TENM1: variants seen among roughly 807,000 people sequenced by gnomAD.
TENM1 encodes teneurin-1.
A neutral mutation model predicts 174.8 loss-of-function variants in TENM1; 35 were observed. That is an observed-to-expected ratio of 0.20 (90% CI 0.15 to 0.27). The LOEUF (loss-of-function observed/expected upper bound fraction) is 0.27, where lower values mean the gene tolerates loss of function less well. TENM1 is among the 10% of genes least tolerant of loss of function. The probability of loss-of-function intolerance (pLI) is 1.00; values close to 1 mark genes in which losing one functional copy is unlikely to be tolerated. For synonymous variants in TENM1, 781 were observed against 798.7 expected, an observed-to-expected ratio of 0.98 and a Z score of 0.37; for missense variants, 1,633 against 2,130.1, an observed-to-expected ratio of 0.77 and a Z score of 4.59.
intron 3 of TENM1, among the ~76,000 whole-genome samples, chrX:124,757,517 T>G (rs1303012413): frequency 4.4e-5 from 5 of 112,650 alleles, no homozygotes; most frequent in Non-Finnish European, 9.4e-5. Context: ...GCACCCACTG[T>G]CTGGCATTCC....
At chrX:124,623,646 A>G (rs2050573256) in intron 11 of TENM1, among the ~76,000 whole-genome samples, 1 of 111,626 alleles carries the variant, frequency 9.0e-6, no homozygotes. Flanking sequence ...ATTTGCAGGG[A>G]AAAAATAGCT....
At chrX:124,437,234 G>A (rs763200885) in intron 23 of TENM1, among the ~76,000 whole-genome samples, 1 of 106,814 alleles carries the variant, frequency 9.4e-6, no homozygotes, top group Non-Finnish European at 1.9e-5. Flanking sequence ...TTACAGGCAT[G>A]AGCCACTGCG....
At chrX:125,126,290 T>C in the TENM1 span, among the ~76,000 whole-genome samples, 784 of 111,775 alleles carry the variant, frequency 7.0e-3, 6 homozygotes, top group Non-Finnish European at 0.01. Context: ...ACAACTGCTA[T>C]AGAAGATTTC....
chrX:124,521,962 G>A, intron 17 of TENM1, among the ~76,000 whole-genome samples: 1 of 111,717 alleles, frequency 9.0e-6, no homozygotes, highest in Middle Eastern at 4.6e-3. Flanking sequence ...GGTGACAGAA[G>A]TACAATAGAG....
intron 28 of TENM1, among the ~76,000 whole-genome samples, chrX:124,391,727 AT>A (rs2060284296): frequency 8.9e-6 from 1 of 111,768 alleles, no homozygotes; most frequent in African/African-American, 3.3e-5. Context: ...TTTTCTAGCT[AT>A]TTTTCCCTCG....
the TENM1 span, among the ~76,000 whole-genome samples, chrX:125,153,003 T>C: frequency 4.2e-5 from 4 of 94,468 alleles, no homozygotes; most frequent in Middle Eastern, 5.1e-3. Context: ...ATGGAATCTG[T>C]CAGGAACTCA....
the TENM1 span, among the ~76,000 whole-genome samples, chrX:125,058,959 A>T: frequency 1.9e-5 from 2 of 107,085 alleles, no homozygotes; most frequent in South Asian, 8.3e-4. Flanking sequence ...CCATCTCTAC[A>T]ACTAAGTTTA....
intron 23 of TENM1, among the ~76,000 whole-genome samples, chrX:124,447,312 G>T (rs1462711340): frequency 9.0e-6 from 1 of 111,366 alleles, no homozygotes; most frequent in African/African-American, 3.3e-5. Flanking sequence ...GCCACACACA[G>T]GCTTTCTCCT....
chrX:124,401,727 C>T lies in TENM1; in HGVS notation c.5391+3304G>A, dbSNP rs371175958. Among the ~76,000 whole-genome samples the T allele has an allele frequency of 3.6e-5, 4 of 111,725 alleles. No homozygotes were observed. The South Asian group carries it at 1.5e-3, about 42-fold the overall frequency. ...GTCCCTTTTGGGAGCATACTCATTT[C>T]ATTAAATTGGAAATGCCAAATCTGG... On this transcript the variant is annotated intron_variant, in intron 27 of 31. Transcript: ENST00000422452.
chrX:125,187,170 G>T, the TENM1 span, among the ~76,000 whole-genome samples: 2 of 112,382 alleles, frequency 1.8e-5, no homozygotes, highest in South Asian at 3.7e-4. Context: ...CTAAGGCAAA[G>T]AATTGCTTGA....
intron 25 of TENM1, among the ~76,000 whole-genome samples, chrX:124,408,599 G>T (rs186868401): frequency 8.4e-4 from 94 of 111,367 alleles, no homozygotes; most frequent in African/African-American, 2.9e-3. Context: ...TGAGGCACCA[G>T]CAACTTTGCC....
the TENM1 span, among the ~76,000 whole-genome samples, chrX:125,044,212 T>TAAAAAAAAAAAAAAAA: frequency 2.7e-5 from 2 of 74,823 alleles, no homozygotes; most frequent in Admixed American, 2.7e-4. Flanking sequence ...TAAAAAAAAA[T>TAAAAAAAAAAAAAAAA]AAAAAAAAAA....
At chrX:124,457,094 A>G (rs1298612117) in intron 22 of TENM1, among the ~76,000 whole-genome samples, 1 of 112,220 alleles carries the variant, frequency 8.9e-6, no homozygotes, top group Non-Finnish European at 1.9e-5. Context: ...GTGGAGGTGG[A>G]AGTGGGAAGA....
At chrX:124,984,371 G>T in the TENM1 span, among the ~76,000 whole-genome samples, 1 of 112,360 alleles carries the variant, frequency 8.9e-6, no homozygotes, top group Non-Finnish European at 1.9e-5. Flanking sequence ...TAATTGGGAC[G>T]AAACGGGTTA....
chrX:124,462,114 T>G (rs1443863776), intron 22 of TENM1, among the ~76,000 whole-genome samples: 1 of 100,409 alleles, frequency 1.0e-5, no homozygotes, highest in Non-Finnish European at 2.0e-5. Context: ...TAGATTACGT[T>G]TCTCAGCCTC....
chrX:124,708,425 T>C (rs1339773600), intron 4 of TENM1, among the ~76,000 whole-genome samples: 1 of 111,484 alleles, frequency 9.0e-6, no homozygotes, highest in Non-Finnish European at 1.9e-5. Context: ...AAAATGCCTA[T>C]TCTTTGATGC....
At chrX:125,075,187 A>G in the TENM1 span, among the ~76,000 whole-genome samples, 1 of 111,301 alleles carries the variant, frequency 9.0e-6, no homozygotes, top group Non-Finnish European at 1.9e-5. Context: ...CTATCTCTAT[A>G]GGTTTGTATT....
At chrX:124,590,339 TACAA>T (rs1569329303) in intron 11 of TENM1, among the ~76,000 whole-genome samples, 1 of 109,583 alleles carries the variant, frequency 9.1e-6, no homozygotes, top group Admixed American at 9.9e-5. Flanking sequence ...ACCAACAACA[TACAA>T]ACAGAGAGCC....
the TENM1 span, among the ~76,000 whole-genome samples, chrX:125,200,935 A>C: frequency 9.0e-6 from 1 of 111,671 alleles, no homozygotes; most frequent in Non-Finnish European, 1.9e-5. Flanking sequence ...AGCAAAAATT[A>C]TATGGACTCC....
Sources: gnomAD v4.1 joint callset for allele counts (sites outside exome capture counted in the v4.1 genomes callset) on GRCh38, gnomAD v4.1.1 for gene constraint, MANE v1.5 for transcripts, NCBI Gene and HGNC (gene_info 2026-07-23, HGNC 2026-07-21) for gene names.